Variants in CDC42 observed in about 807,000 individuals in gnomAD.
CDC42 encodes the protein cell division control protein 42 homolog.
A neutral mutation model predicts 20.8 loss-of-function variants in CDC42; 1 was observed. The observed-to-expected ratio is 0.05, with a 90% CI of 0.02 to 0.23. The LOEUF is 0.23. Ranked by LOEUF, CDC42 falls within the 10% of genes least tolerant of loss-of-function variation. CDC42 has a pLI of 1.00. For missense variants in CDC42, 49 were observed against 227.9 expected, an observed-to-expected ratio of 0.21 and a Z score of 5.05; for synonymous variants, 72 against 84.8, an observed-to-expected ratio of 0.85 and a Z score of 0.83.
intron 1 of CDC42, among the ~76,000 whole-genome samples, chr1:22,072,147 G>T (rs1431590287): frequency 7.0e-6 from 1 of 142,388 alleles, no homozygotes; most frequent in Non-Finnish European, 1.5e-5. Context: ...GCCCAGGCTG[G>T]AGTACAGTGG....
At position 22,097,941 on chromosome 1, in the gene CDC42, G is replaced by A. The variant is rs1383645580; in HGVS notation, c.*6424G>A. Among the ~76,000 whole-genome samples the A allele has an allele frequency of 6.6e-6, 1 of 152,214 alleles. No homozygotes were observed. The highest frequency in any genetic ancestry group is 2.4e-5 in the African/African-American group (1 of 41,454). On this transcript the variant is annotated 3_prime_UTR_variant, in exon 6 of 6. Coordinates refer to ENST00000656825, the MANE Select transcript of CDC42 (RefSeq NM_001791.4). ...TTTGGGTCCACCATGCATCTCTGAA[G>A]TAGAAGTGACAGATTTTCAAGGCTA... is the stretch of plus-strand genomic sequence containing the variant.
chr1:22,071,020 G>A (rs1645484315), intron 1 of CDC42, among the ~76,000 whole-genome samples: 1 of 150,418 alleles, frequency 6.6e-6, no homozygotes, highest in African/African-American at 2.4e-5. Flanking sequence ...CGGCACTGAG[G>A]AACAAGCATT....
chr1:22,080,806 A>T (rs1645599155), intron 2 of CDC42, among the ~76,000 whole-genome samples: 1 of 152,196 alleles, frequency 6.6e-6, no homozygotes, highest in African/African-American at 2.4e-5. Context: ...CTATTTACAT[A>T]TTAAGCATCT....
chr1:22,083,311 A>G (rs953183412), intron 3 of CDC42, among the ~76,000 whole-genome samples: 1 of 152,044 alleles, frequency 6.6e-6, no homozygotes, highest in Non-Finnish European at 1.5e-5. Flanking sequence ...TGCAATAAAA[A>G]TCATTTTAAG....
rs149799675 is a variant in CDC42, at chr1:22,096,494, G to C, written c.*4977G>C. 2.7e-4 allele frequency among the ~76,000 whole-genome samples: 41 copies of C among 152,290 alleles called. No homozygotes were observed. Among genetic ancestry groups the C allele is most frequent in the African/African-American group, 9.4e-4 (39 of 41,560 alleles). On this transcript the variant is annotated 3_prime_UTR_variant, in exon 6 of 6. Transcript: ENST00000656825. ...GTTTTATCTGTGCATGCATATTCATGACACATTCATTTGTCATTATTTATC... is the reference window on the plus strand; with the variant it reads ...GTTTTATCTGTGCATGCATATTCATCACACATTCATTTGTCATTATTTATC...
intron 1 of CDC42, among the ~76,000 whole-genome samples, chr1:22,063,058 T>C (rs1370213002): frequency 6.6e-6 from 1 of 152,182 alleles, no homozygotes; most frequent in African/African-American, 2.4e-5. Flanking sequence ...AAGAAGTGAC[T>C]GTTCTGCTTA....
Position 22,094,291 on chromosome 1 carries a change from TAG to T in CDC42, c.*2776_*2777del, listed in dbSNP as rs1348231036. On this transcript the variant is annotated 3_prime_UTR_variant, in exon 6 of 6. Transcript: ENST00000656825. ...AGTGTTTTACTGAACATCCTAGAAATAGATTTTTTTTTTTTTTTTTTTTTGAG... is the reference window on the plus strand; with the variant it reads ...AGTGTTTTACTGAACATCCTAGAAATATTTTTTTTTTTTTTTTTTTTTGAG... Among the ~76,000 whole-genome samples, 14 of 58,290 alleles carry T rather than the reference TAG, an allele frequency of 2.4e-4. 1 individual carries two copies. The highest frequency in any genetic ancestry group is 9.7e-4 in the Admixed American group (4 of 4,108). The allele number at this position is 58,290 out of a possible 152,430, so 38.2% of individuals were successfully genotyped here.
intron 5 of CDC42, among the ~76,000 whole-genome samples, chr1:22,087,963 G>A (rs1302397827): frequency 7.9e-5 from 12 of 152,108 alleles, no homozygotes; most frequent in African/African-American, 2.4e-4. Context: ...TGCTTAACTG[G>A]GATATCCCTC....
Position 22,086,152 on chromosome 1 carries a change from A to G in CDC42, c.179-287A>G, listed in dbSNP as rs10917145. The stretch of plus-strand genomic sequence containing the variant: ...TTGATTTTTAACCATTTCTGTAGCA[A>G]GAGTTTATTATTACATTTATTATTG... On this transcript the variant is annotated intron_variant, in intron 3 of 5. Coordinates refer to ENST00000656825, the MANE Select transcript of CDC42 (RefSeq NM_001791.4). 0.12 allele frequency among the ~76,000 whole-genome samples: 18,857 copies of G among 152,216 alleles called. 1,292 individuals carry two copies. Among genetic ancestry groups the G allele is most frequent in the Admixed American group, 0.18 (2,694 of 15,272 alleles).
At chr1:22,062,784 C>T (rs1186635493) in intron 1 of CDC42, among the ~76,000 whole-genome samples, 1 of 145,072 alleles carries the variant, frequency 6.9e-6, no homozygotes, top group South Asian at 2.2e-4. Context: ...CCGAACTTAT[C>T]CATTTGTCTA....
chr1:22,099,891 C>T lies in CDC42; in HGVS notation c.*8374C>T, dbSNP rs929609968. Among the ~76,000 whole-genome samples the T allele has an allele frequency of 7.4e-4, 109 of 147,050 alleles. No homozygotes were observed. Among genetic ancestry groups the T allele is most frequent in the Non-Finnish European group, 1.3e-3 (90 of 66,668 alleles). ...GTGGAAACTGAGGCATGTTATGATA[C>T]AAAGCTTGTCCAAGAATTCAGAGCT... On this transcript the variant is annotated 3_prime_UTR_variant, in exon 6 of 6. Transcript: ENST00000656825.
At chr1:22,083,384 C>T (rs1482104304) in intron 3 of CDC42, among the ~76,000 whole-genome samples, 1 of 151,838 alleles carries the variant, frequency 6.6e-6, no homozygotes, top group African/African-American at 2.4e-5. Context: ...AGGCAGTTCA[C>T]CTGAGGTCAG....
intron 2 of CDC42, chr1:22,078,845 T>C (rs776704263): frequency 7.3e-7 from 1 of 1,376,298 alleles, no homozygotes; most frequent in South Asian, 1.3e-5. Flanking sequence ...AGTGGTGGTC[T>C]CAATTTGGTG....
chr1:22,073,409 CGTGCCT>C (rs1645513887), intron 1 of CDC42, among the ~76,000 whole-genome samples: 1 of 151,704 alleles, frequency 6.6e-6, no homozygotes, highest in African/African-American at 2.4e-5. Flanking sequence ...CATGGTGGTG[CGTGCCT>C]GTAATCCCAG....
intron 1 of CDC42, among the ~76,000 whole-genome samples, chr1:22,056,949 T>C (rs1424692754): frequency 6.6e-6 from 1 of 152,248 alleles, no homozygotes; most frequent in Non-Finnish European, 1.5e-5. Context: ...ACTTTAACCT[T>C]GCATCCTTTT....
In CDC42 at chr1:22,094,832, A is replaced by G. The variant is rs545588503; in HGVS notation, c.*3315A>G. 7.9e-5 allele frequency among the ~76,000 whole-genome samples: 12 copies of G among 152,250 alleles called. No individual in the cohort carries two copies. The highest frequency in any genetic ancestry group is 1.5e-4 in the Non-Finnish European group (10 of 68,018). ...CCTTTTGCCCTGCAAGTTGTCACTA[A>G]ATTTGTGCTATCATAATTGTTACCT... On this transcript the variant is annotated 3_prime_UTR_variant, in exon 6 of 6. Transcript: ENST00000656825.
intron 1 of CDC42, among the ~76,000 whole-genome samples, chr1:22,075,515 T>G (rs1038852005): frequency 1.3e-5 from 2 of 152,218 alleles, no homozygotes; most frequent in Admixed American, 6.5e-5. Context: ...CTGACTGTAC[T>G]GTAATTATCT....
chr1:22,084,967 C>G (rs1331793060), intron 3 of CDC42, among the ~76,000 whole-genome samples: 1 of 152,022 alleles, frequency 6.6e-6, no homozygotes, highest in Non-Finnish European at 1.5e-5. Context: ...CACGGTGGCT[C>G]ACACCTGTAA....
At chr1:22,063,599 A>G (rs990708214) in intron 1 of CDC42, among the ~76,000 whole-genome samples, 63 of 152,280 alleles carry the variant, frequency 4.1e-4, no homozygotes, top group African/African-American at 1.4e-3. Context: ...TTGTTCTTCA[A>G]CTGCACACAT....
Sources: gnomAD v4.1 joint callset for allele counts (sites outside exome capture counted in the v4.1 genomes callset) on GRCh38, gnomAD v4.1.1 for gene constraint, MANE v1.5 for transcripts, NCBI Gene and HGNC (gene_info 2026-07-23, HGNC 2026-07-21) for gene names.